Variants in COP1 observed in about 807,000 individuals in gnomAD.
The protein encoded by COP1 is E3 ubiquitin-protein ligase COP1.
COP1 carries 24 observed loss-of-function variants against 101.3 expected under a neutral mutation model. That is an observed-to-expected ratio of 0.24 (90% CI 0.17 to 0.33). The LOEUF (loss-of-function observed/expected upper bound fraction) is 0.33, where lower values mean the gene tolerates loss of function less well. Among genes scored for constraint, COP1 ranks in the 10% least tolerant of loss-of-function variants. The pLI is 1.00. For missense variants in COP1, 663 were observed against 906.2 expected (o/e 0.73, Z 3.45); for synonymous variants, 347 against 341.9 (o/e 1.01, Z -0.17).
chr1:176,110,538 A>T (rs546611639), intron 9 of COP1, among the ~76,000 whole-genome samples: 7 of 152,342 alleles, frequency 4.6e-5, no homozygotes, highest in Middle Eastern at 3.4e-3. Flanking sequence ...TGCTATAAAT[A>T]TCTTACCAAC....
At chr1:176,008,639 T>G (rs1406105230) in intron 15 of COP1, among the ~76,000 whole-genome samples, 1 of 152,156 alleles carries the variant, frequency 6.6e-6, no homozygotes, top group African/African-American at 2.4e-5. Context: ...GTGTATACCT[T>G]TTTTTACTGA....
chr1:176,104,553 CAT>C (rs1378397772), intron 9 of COP1, among the ~76,000 whole-genome samples: 1 of 152,046 alleles, frequency 6.6e-6, no homozygotes, highest in African/African-American at 2.4e-5. Flanking sequence ...CATATGAAAA[CAT>C]AGTCAATCTC....
chr1:175,966,924 A>AC (rs1389195525), intron 18 of COP1, among the ~76,000 whole-genome samples: 3 of 151,978 alleles, frequency 2.0e-5, no homozygotes, highest in East Asian at 1.9e-4. Context: ...CCAATCTTCC[A>AC]CCCCCCATAC....
At chr1:176,061,324 T>C (rs1049924517) in intron 11 of COP1, among the ~76,000 whole-genome samples, 1 of 152,210 alleles carries the variant, frequency 6.6e-6, no homozygotes, top group African/African-American at 2.4e-5. Flanking sequence ...ATCTCTATAC[T>C]GGCAGGAAAA....
chr1:176,100,294 C>A, intron 9 of COP1: 1 of 201,302 alleles, frequency 5.0e-6, no homozygotes, highest in South Asian at 5.8e-5. Flanking sequence ...GAGGGTGAGG[C>A]AGGAGAATCG....
chr1:175,961,012 C>T (rs765489794), intron 18 of COP1, among the ~76,000 whole-genome samples: 5 of 152,154 alleles, frequency 3.3e-5, no homozygotes, highest in Non-Finnish European at 7.3e-5. Flanking sequence ...GGTGAATTTG[C>T]TTCCTCTCTC....
intron 15 of COP1, among the ~76,000 whole-genome samples, chr1:176,003,771 A>G (rs1378994555): frequency 1.3e-5 from 2 of 150,982 alleles, no homozygotes; most frequent in East Asian, 3.9e-4. Flanking sequence ...GTATAGTTTG[A>G]AGTCAGGTAG....
chr1:176,097,545 T>C (rs951578326), intron 9 of COP1, among the ~76,000 whole-genome samples: 1 of 152,016 alleles, frequency 6.6e-6, no homozygotes, highest in Admixed American at 6.6e-5. Flanking sequence ...GTGTGATGTC[T>C]ATAAAAAAGC....
At chr1:176,090,556 C>T (rs2149449534) in intron 9 of COP1, among the ~76,000 whole-genome samples, 1 of 152,186 alleles carries the variant, frequency 6.6e-6, no homozygotes. Context: ...CAAAATATAA[C>T]AGCAGCAGCA....
intron 3 of COP1, among the ~76,000 whole-genome samples, chr1:176,173,594 C>A (rs895328467): frequency 6.6e-6 from 1 of 150,712 alleles, no homozygotes; most frequent in Admixed American, 6.6e-5. Flanking sequence ...GAGCCATGAT[C>A]GCACTACTGC....
intron 8 of COP1, among the ~76,000 whole-genome samples, chr1:176,117,846 G>A (rs952907403): frequency 6.6e-6 from 1 of 152,110 alleles, no homozygotes; most frequent in Non-Finnish European, 1.5e-5. Context: ...AGTGAGCTGA[G>A]ATCACACCAT....
At position 176,012,031 on chromosome 1, in the gene COP1, C is replaced by T. The variant is rs118066530; in HGVS notation, c.1729+15541G>A. 3.9e-4 allele frequency among the ~76,000 whole-genome samples: 60 copies of T among 152,186 alleles called. 1 individual carries two copies. In the East Asian group the frequency reaches 8.1e-3, roughly 21 times the overall value. On this transcript the variant is annotated intron_variant, in intron 15 of 19. Coordinates refer to ENST00000367669, the MANE Select transcript of COP1 (RefSeq NM_022457.7). ...ATTAAAAAAAAAACTGTAATACAAC[C>T]TCAGGAAGCTGGGCACAGTGGTGTG...
intron 1 of COP1, among the ~76,000 whole-genome samples, chr1:176,203,894 G>C (rs965540535): frequency 6.6e-6 from 1 of 152,142 alleles, no homozygotes; most frequent in African/African-American, 2.4e-5. Flanking sequence ...AGAAGGACAG[G>C]TCCCTATCAC....
Position 175,947,727 on chromosome 1 carries a change from G to T in COP1, c.2134-488C>A, listed in dbSNP as rs796565457. Reference sequence around the variant, plus strand: ...TTTTAAACTTAAGATCCCATATTTTGAAGTGTAAGTTTTAATAAAAGAATA... The same window carrying T: ...TTTTAAACTTAAGATCCCATATTTTTAAGTGTAAGTTTTAATAAAAGAATA... On this transcript the variant is annotated intron_variant, in intron 18 of 19. Coordinates refer to ENST00000367669, the MANE Select transcript of COP1 (RefSeq NM_022457.7). 8.5e-5 allele frequency among the ~76,000 whole-genome samples: 13 copies of T among 152,188 alleles called. 1 individual carries two copies. The highest frequency in any genetic ancestry group is 2.9e-4 in the African/African-American group (12 of 41,520).
rs56876517 is a variant in COP1, at chr1:175,959,608, T to A, written c.2134-12369A>T. ...TTAATAAGAGAGTTTAGCAAGATGG[T>A]TGGATTAAAAATGGGGATAATAAAT... On this transcript the variant is annotated intron_variant, in intron 18 of 19. Coordinates refer to ENST00000367669, the MANE Select transcript of COP1 (RefSeq NM_022457.7). Among the ~76,000 whole-genome samples, 783 of 152,204 alleles carry A rather than the reference T, an allele frequency of 5.1e-3. 8 individuals carry two copies. Among genetic ancestry groups the A allele is most frequent in the African/African-American group, 0.018 (746 of 41,562 alleles).
At chr1:176,188,097 T>A (rs925174356) in intron 1 of COP1, among the ~76,000 whole-genome samples, 9 of 152,060 alleles carry the variant, frequency 5.9e-5, no homozygotes, top group African/African-American at 2.2e-4. Flanking sequence ...AACCTCCCCA[T>A]GTTTGTGGAG....
chr1:176,003,653 A>G (rs137876804), intron 15 of COP1, among the ~76,000 whole-genome samples: 5,126 of 152,182 alleles, frequency 0.034, 120 homozygotes, highest in Non-Finnish European at 0.047. Flanking sequence ...CAGAGATCAG[A>G]TAGTTGTAGA....
At chr1:176,111,277 A>C (rs531821239) in intron 9 of COP1, among the ~76,000 whole-genome samples, 2 of 152,242 alleles carry the variant, frequency 1.3e-5, no homozygotes, top group Admixed American at 1.3e-4. Flanking sequence ...CTACCTAATT[A>C]TTTAATTTAT....
chr1:176,109,656 T>C (rs948467821), intron 9 of COP1, among the ~76,000 whole-genome samples: 16 of 152,324 alleles, frequency 1.1e-4, no homozygotes, highest in African/African-American at 3.8e-4. Context: ...TTATGGTTAC[T>C]GGTCTATCCC....
Sources: gnomAD v4.1 joint callset for allele counts (sites outside exome capture counted in the v4.1 genomes callset) on GRCh38, gnomAD v4.1.1 for gene constraint, MANE v1.5 for transcripts, NCBI Gene and HGNC (gene_info 2026-07-23, HGNC 2026-07-21) for gene names.